SLC1A1: variants seen among roughly 807,000 people sequenced by gnomAD.
The protein encoded by SLC1A1 is solute carrier family 1 member 1, also known as excitatory amino acid transporter 3.
SLC1A1 carries 43 observed loss-of-function variants against 53.3 expected under a neutral mutation model. That is an observed-to-expected ratio of 0.81 (90% CI 0.63 to 1.04). SLC1A1 has a LOEUF of 1.04. SLC1A1 is among the 50% of genes least tolerant of loss of function. The pLI is 0.00. For missense variants in SLC1A1, 748 were observed against 664.9 expected (o/e 1.12, Z -1.37); for synonymous variants, 307 against 243.2 (o/e 1.26, Z -2.44).
Position 4,583,271 on chromosome 9 carries a change from T to G in SLC1A1, c.1328+99T>G. 2.1e-6 allele frequency: 3 copies of G among 1,454,594 alleles called. No individual in the cohort carries two copies. The highest frequency in any genetic ancestry group is 1.9e-6 in the Non-Finnish European group (2 of 1,038,150). The allele number at this position is 1,454,594 out of a possible 1,614,324, so 90.1% of individuals were successfully genotyped here. ...GTCATCATTCTCTCCTCAGATTGCC[T>G]AATGAGCCACCTGTTGCTGCTTTAA... On this transcript the variant is annotated intron_variant, in intron 11 of 11. Coordinates refer to ENST00000262352, the MANE Select transcript of SLC1A1 (RefSeq NM_004170.6). This position sits in a 1 kb window ranked among gnomAD's most constrained non-coding sequence, Gnocchi z 4.6.
At chr9:4,557,927 T>C (rs1818574728) in intron 2 of SLC1A1, among the ~76,000 whole-genome samples, 1 of 152,176 alleles carries the variant, frequency 6.6e-6, no homozygotes, top group Non-Finnish European at 1.5e-5. Context: ...GTACTTAGCC[T>C]TTCTGAGCTA....
intron 1 of SLC1A1, among the ~76,000 whole-genome samples, chr9:4,499,361 C>T (rs7021409): frequency 0.26 from 39,939 of 151,984 alleles, 5,794 homozygotes; most frequent in South Asian, 0.44. Flanking sequence ...TATGTATCTC[C>T]ATCTATCTTA....
chr9:4,585,630 G>T lies in SLC1A1; in HGVS notation c.*72G>T. On this transcript the variant is annotated 3_prime_UTR_variant, in exon 12 of 12. Transcript: ENST00000262352. ...AGAGTCATCTCAAACACTGCTTAAG[G>T]AAAAGAGAAACACTAATGGCCAAGT... The T allele has an allele frequency of 6.4e-7, 1 of 1,569,902 alleles. No homozygotes were observed. Among genetic ancestry groups the T allele is most frequent in the South Asian group, 1.1e-5 (1 of 89,676 alleles).
At chr9:4,506,504 T>G (rs573651981) in intron 1 of SLC1A1, among the ~76,000 whole-genome samples, 2 of 152,278 alleles carry the variant, frequency 1.3e-5, no homozygotes, top group East Asian at 3.9e-4. Context: ...CTCCTCTGTA[T>G]CTGGTTTAAC....
intron 1 of SLC1A1, among the ~76,000 whole-genome samples, chr9:4,511,349 C>A (rs1034730185): frequency 2.6e-5 from 4 of 152,078 alleles, no homozygotes; most frequent in Non-Finnish European, 5.9e-5. Flanking sequence ...GTGGAAGTGG[C>A]AAGGCAGCTC....
chr9:4,531,728 C>A (rs1038071431), intron 1 of SLC1A1, among the ~76,000 whole-genome samples: 2 of 152,188 alleles, frequency 1.3e-5, no homozygotes, highest in Non-Finnish European at 2.9e-5. Flanking sequence ...CAGCACACAG[C>A]TGGACATCTG....
intron 10 of SLC1A1, 134 bp from the exon 11 acceptor site, chr9:4,582,904 A>T (rs1464775642): frequency 8.6e-7 from 1 of 1,168,616 alleles, no homozygotes; most frequent in East Asian, 2.3e-5. Context: ...TCAGCAAGTC[A>T]CAGATTCTAA....
At chr9:4,575,890 C>A (rs747027773) in intron 8 of SLC1A1, 111 bp from the exon 9 acceptor site, 8 of 1,251,328 alleles carry the variant, frequency 6.4e-6, no homozygotes, top group Non-Finnish European at 9.2e-6. Flanking sequence ...TCTTATTGGG[C>A]CATTATGAAA....
chr9:4,532,939 C>T (rs1242629775), intron 1 of SLC1A1, among the ~76,000 whole-genome samples: 1 of 152,092 alleles, frequency 6.6e-6, no homozygotes, highest in Non-Finnish European at 1.5e-5. Context: ...ATTTTCAACC[C>T]AGAATTTCAT....
At chr9:4,496,997 A>G (rs1820450006) in intron 1 of SLC1A1, among the ~76,000 whole-genome samples, 1 of 152,040 alleles carries the variant, frequency 6.6e-6, no homozygotes, top group Non-Finnish European at 1.5e-5. Context: ...AAATGGAGGG[A>G]CCTAGTTGGG....
At chr9:4,525,887 G>GA (rs1373149054) in intron 1 of SLC1A1, among the ~76,000 whole-genome samples, 1 of 151,774 alleles carries the variant, frequency 6.6e-6, no homozygotes, top group East Asian at 1.9e-4. Context: ...ACAGTTCAAA[G>GA]AAAAAAATCA....
At chr9:4,511,078 G>T (rs996693673) in intron 1 of SLC1A1, among the ~76,000 whole-genome samples, 13 of 152,328 alleles carry the variant, frequency 8.5e-5, no homozygotes, top group African/African-American at 3.1e-4. Context: ...AAGCCAGGAA[G>T]TCGTTTAGTT....
chr9:4,529,608 C>G (rs62542063), intron 1 of SLC1A1, among the ~76,000 whole-genome samples: 9,607 of 152,166 alleles, frequency 0.063, 406 homozygotes, highest in Non-Finnish European at 0.099. Flanking sequence ...AATGAATATG[C>G]AGATGAATGA....
At chr9:4,493,557 A>C (rs1247899232) in intron 1 of SLC1A1, among the ~76,000 whole-genome samples, 2 of 152,188 alleles carry the variant, frequency 1.3e-5, no homozygotes, top group African/African-American at 4.8e-5. Context: ...AAAACTGTGA[A>C]ATTTATTAAC....
At chr9:4,507,913 G>A (rs182910251) in intron 1 of SLC1A1, among the ~76,000 whole-genome samples, 2 of 152,280 alleles carry the variant, frequency 1.3e-5, no homozygotes, top group Non-Finnish European at 2.9e-5. Flanking sequence ...AACCAAGAAG[G>A]TGTTTACAGG....
intron 1 of SLC1A1, among the ~76,000 whole-genome samples, chr9:4,538,536 A>G (rs1816758586): frequency 6.6e-6 from 1 of 152,228 alleles, no homozygotes; most frequent in Non-Finnish European, 1.5e-5. Flanking sequence ...GCTGCAATAT[A>G]TAAGGAAAAA....
intron 1 of SLC1A1, among the ~76,000 whole-genome samples, chr9:4,509,052 T>A (rs1457754845): frequency 6.6e-6 from 1 of 152,112 alleles, no homozygotes; most frequent in Non-Finnish European, 1.5e-5. Context: ...TAGGAAAGGC[T>A]TTCTGGAGGA....
At chr9:4,517,038 CTG>C (rs1821183730) in intron 1 of SLC1A1, among the ~76,000 whole-genome samples, 1 of 152,194 alleles carries the variant, frequency 6.6e-6, no homozygotes, top group Non-Finnish European at 1.5e-5. Context: ...GTTTCCTAAC[CTG>C]TGTTACATTA....
intron 1 of SLC1A1, among the ~76,000 whole-genome samples, chr9:4,535,178 A>G (rs1586723291): frequency 6.6e-6 from 1 of 152,284 alleles, no homozygotes; most frequent in East Asian, 1.9e-4. Flanking sequence ...CACCACTCCT[A>G]TTCAACATAG....
Sources: gnomAD v4.1 joint callset for allele counts (sites outside exome capture counted in the v4.1 genomes callset) on GRCh38, gnomAD v4.1.1 for gene constraint, Gnocchi (gnomAD v3.1) non-coding constraint, MANE v1.5 for transcripts, NCBI Gene and HGNC (gene_info 2026-07-23, HGNC 2026-07-21) for gene names.